CAMK2D: variants seen among roughly 807,000 people sequenced by gnomAD.
CAMK2D encodes the protein calcium/calmodulin-dependent protein kinase type II subunit delta.
CAMK2D carries 37 observed loss-of-function variants against 84.0 expected under a neutral mutation model. That is an observed-to-expected ratio of 0.44 (90% CI 0.34 to 0.58). CAMK2D has a LOEUF of 0.58. Among genes scored for constraint, CAMK2D ranks in the 20% least tolerant of loss-of-function variants. The probability of loss-of-function intolerance (pLI) is 0.02; values close to 1 mark genes in which losing one functional copy is unlikely to be tolerated. For missense variants in CAMK2D, 448 were observed against 652.5 expected, an observed-to-expected ratio of 0.69 and a Z score of 3.41; for synonymous variants, 202 against 212.5, an observed-to-expected ratio of 0.95 and a Z score of 0.43.
In CAMK2D at chr4:113,653,930, A is replaced by G. The variant is rs150660610; in HGVS notation, c.220+7783T>C. Among the ~76,000 whole-genome samples, 723 of 152,162 alleles carry G rather than the reference A, an allele frequency of 4.8e-3. 4 individuals carry two copies. Among genetic ancestry groups the G allele is most frequent in the African/African-American group, 0.017 (689 of 41,566 alleles). Reference sequence around the variant, plus strand: ...ATCATCTGCTAAAGACAAAAGAACAAACAAAAAATGACAGTTAATTTATTT... The same window carrying G: ...ATCATCTGCTAAAGACAAAAGAACAGACAAAAAATGACAGTTAATTTATTT... On this transcript the variant is annotated intron_variant, in intron 3 of 20. Transcript: ENST00000511664.
intron 3 of CAMK2D, among the ~76,000 whole-genome samples, chr4:113,628,494 G>A (rs575046087): frequency 1.4e-4 from 21 of 152,172 alleles, no homozygotes; most frequent in East Asian, 3.9e-4. Context: ...GATTCCTGCC[G>A]TGAAACAGTG....
chr4:113,724,239 T>C lies in CAMK2D; in HGVS notation c.160+35081A>G, dbSNP rs78203281. Among the ~76,000 whole-genome samples the C allele has an allele frequency of 0.015, 2,247 of 152,168 alleles. 93 individuals are homozygous for C. The East Asian group carries it at 0.15, about 10-fold the overall frequency. ...CGACAACAAAATGAAAATACAAATT[T>C]GTTTTGTTAATTATTTGTTATTGAA... On this transcript the variant is annotated intron_variant, in intron 2 of 20. Coordinates refer to ENST00000511664, the MANE Select transcript of CAMK2D (RefSeq NM_001321571.2).
chr4:113,523,926 T>C (rs953537474), intron 8 of CAMK2D, among the ~76,000 whole-genome samples: 1 of 152,156 alleles, frequency 6.6e-6, no homozygotes, highest in East Asian at 1.9e-4. Context: ...TGCAGTGGCA[T>C]GAACATGGCT....
intron 2 of CAMK2D, among the ~76,000 whole-genome samples, chr4:113,724,504 A>G (rs1295306460): frequency 6.6e-6 from 1 of 151,844 alleles, no homozygotes; most frequent in Non-Finnish European, 1.5e-5. Flanking sequence ...ATAAATATTT[A>G]CCGAGCATTT....
intron 4 of CAMK2D, among the ~76,000 whole-genome samples, chr4:113,575,622 G>A (rs138440391): frequency 7.3e-4 from 111 of 152,236 alleles, no homozygotes; most frequent in African/African-American, 2.6e-3. Flanking sequence ...TTTCTTTGCT[G>A]TGCTTCATTT....
At chr4:113,603,004 G>A (rs972141813) in intron 4 of CAMK2D, among the ~76,000 whole-genome samples, 1 of 152,074 alleles carries the variant, frequency 6.6e-6, no homozygotes, top group South Asian at 2.1e-4. Context: ...TCTGCCTGAA[G>A]GCCTCTCCCT....
intron 4 of CAMK2D, among the ~76,000 whole-genome samples, chr4:113,574,232 G>A (rs2098769202): frequency 6.6e-6 from 1 of 152,096 alleles, no homozygotes; most frequent in Non-Finnish European, 1.5e-5. Context: ...GCTTCACCGT[G>A]TCTCACATAA....
intron 4 of CAMK2D, among the ~76,000 whole-genome samples, chr4:113,563,938 TAC>T (rs1049535259): frequency 6.6e-6 from 1 of 152,184 alleles, no homozygotes; most frequent in Non-Finnish European, 1.5e-5. Context: ...TGAAAAATAT[TAC>T]AGACTGATAG....
chr4:113,753,724 TA>T, intron 2 of CAMK2D: 1 of 847,634 alleles, frequency 1.2e-6, no homozygotes, highest in Non-Finnish European at 1.4e-6. Context: ...CATTTTGTTA[TA>T]ATCAGATATT....
chr4:113,621,384 C>G (rs2099045632), intron 3 of CAMK2D, among the ~76,000 whole-genome samples: 1 of 152,084 alleles, frequency 6.6e-6, no homozygotes, highest in Non-Finnish European at 1.5e-5. Flanking sequence ...GACATTAATT[C>G]TTTTTCTGAT....
chr4:113,675,163 C>G (rs1350620337), intron 2 of CAMK2D, among the ~76,000 whole-genome samples: 2 of 152,116 alleles, frequency 1.3e-5, no homozygotes, highest in Non-Finnish European at 2.9e-5. Flanking sequence ...TTAATATTGG[C>G]TTTAAAAATC....
intron 4 of CAMK2D, among the ~76,000 whole-genome samples, chr4:113,599,915 G>GTT (rs1470420087): frequency 3.9e-5 from 6 of 152,098 alleles, no homozygotes; most frequent in African/African-American, 9.7e-5. Flanking sequence ...AAGAGGAGAA[G>GTT]TTGGTCTTGC....
intron 2 of CAMK2D, among the ~76,000 whole-genome samples, chr4:113,758,405 A>C (rs1041510111): frequency 1.3e-5 from 2 of 152,198 alleles, no homozygotes; most frequent in African/African-American, 2.4e-5. Context: ...TTTGGTAAGA[A>C]GCACTTTTGA....
In CAMK2D at chr4:113,676,961, A is replaced by T. The variant is rs1214652813; in HGVS notation, c.161-15189T>A. Among the ~76,000 whole-genome samples, 4 of 152,248 alleles carry T rather than the reference A, an allele frequency of 2.6e-5. No homozygotes were observed. In the East Asian group the frequency reaches 5.8e-4, roughly 22 times the overall value. ...CAATTCCTGTGCTTTTCTCCTGTTA[A>T]TCTGTCCTATGTCAATTTAATTCTT... On this transcript the variant is annotated intron_variant, in intron 2 of 20. Transcript: ENST00000511664.
At chr4:113,488,107 T>C (rs553302157) in intron 16 of CAMK2D, among the ~76,000 whole-genome samples, 76 of 152,054 alleles carry the variant, frequency 5.0e-4, no homozygotes, top group African/African-American at 1.7e-3. Flanking sequence ...ATAAAGAAGA[T>C]AGAAGGAATA....
intron 2 of CAMK2D, among the ~76,000 whole-genome samples, chr4:113,745,933 G>A (rs1210377059): frequency 3.3e-5 from 5 of 152,174 alleles, no homozygotes; most frequent in Middle Eastern, 3.2e-3. Context: ...ACACGGGGAT[G>A]GCAGGCCTTA....
chr4:113,464,679 A>G (rs13106836), intron 17 of CAMK2D, among the ~76,000 whole-genome samples: 50,432 of 152,094 alleles, frequency 0.33, 9,117 homozygotes, highest in South Asian at 0.49. Flanking sequence ...ATAAGCATTA[A>G]AACCCATTCT....
intron 3 of CAMK2D, among the ~76,000 whole-genome samples, chr4:113,649,506 AG>A (rs1425213000): frequency 2.0e-5 from 3 of 152,166 alleles, no homozygotes; most frequent in Non-Finnish European, 4.4e-5. Context: ...AATGCTCTTC[AG>A]TCCAATCCCT....
At chr4:113,489,937 C>G (rs1426664332) in intron 16 of CAMK2D, among the ~76,000 whole-genome samples, 1 of 150,166 alleles carries the variant, frequency 6.7e-6, no homozygotes, top group South Asian at 2.1e-4. Context: ...GCATAAATGT[C>G]TTCTTTTGAG....
Sources: allele counts gnomAD v4.1 joint callset (sites outside exome capture counted in the v4.1 genomes callset), GRCh38; gene constraint gnomAD v4.1.1; transcripts MANE v1.5; gene names NCBI Gene and HGNC (gene_info 2026-07-23, HGNC 2026-07-21).